The following WDR86 variants were observed in gnomAD, a reference collection of about 807,000 sequenced individuals.
WDR86 encodes the protein WD repeat domain 86, also known as WD repeat-containing protein 86.
WDR86 carries 30 observed loss-of-function variants against 36.5 expected under a neutral mutation model. The observed-to-expected ratio is 0.82, with a 90% CI of 0.61 to 1.11. The LOEUF is 1.11. Ranked by LOEUF, WDR86 falls within the 50% of genes most tolerant of loss-of-function variation. The probability of loss-of-function intolerance (pLI) is 0.00; values close to 1 mark genes in which losing one functional copy is unlikely to be tolerated. For missense variants in WDR86, 545 were observed against 561.2 expected, an observed-to-expected ratio of 0.97 and a Z score of 0.29; for synonymous variants, 255 against 252.9, an observed-to-expected ratio of 1.01 and a Z score of -0.08.
chr7:151,394,668 G>A lies in WDR86; in HGVS notation c.726+1108C>T, dbSNP rs566474210. ...CAGCAGGGATGGTCACGGTCGCGGCGGCTAAGGGCTGCCTGGCAGCACTGT... is the reference window on the plus strand; with the variant it reads ...CAGCAGGGATGGTCACGGTCGCGGCAGCTAAGGGCTGCCTGGCAGCACTGT... On this transcript the variant is annotated intron_variant, in intron 3 of 5. Coordinates refer to ENST00000334493, the MANE Select transcript of WDR86 (RefSeq NM_198285.3). Among the ~76,000 whole-genome samples the A allele has an allele frequency of 2.6e-5, 4 of 152,336 alleles. 1 individual carries two copies. The highest frequency in any genetic ancestry group is 2.1e-4 in the South Asian group (1 of 4,830).
At chr7:151,402,072 T>A (rs11766385) in intron 1 of WDR86, among the ~76,000 whole-genome samples, 7,970 of 45,330 alleles carry the variant, frequency 0.18, 547 homozygotes, top group Non-Finnish European at 0.19. Flanking sequence ...AAAAAAAAAA[T>A]ATATATATAT....
chr7:151,385,636 C>T (rs1798919150), intron 3 of WDR86, among the ~76,000 whole-genome samples: 4 of 152,196 alleles, frequency 2.6e-5, no homozygotes, highest in Admixed American at 1.3e-4. Context: ...TTGCTTCAGA[C>T]AGGACAGAGA....
intron 3 of WDR86, among the ~76,000 whole-genome samples, chr7:151,393,241 C>T (rs372794398): frequency 2.0e-5 from 3 of 152,272 alleles, no homozygotes; most frequent in South Asian, 2.1e-4. Flanking sequence ...GTGGGGTGTG[C>T]GTTCACACGC....
At chr7:151,376,035 A>G in exon 2 of WDR86, 1 of 817,700 alleles carries the variant, frequency 1.2e-6, no homozygotes, top group Non-Finnish European at 2.1e-6. Context: ...GGACTGGGGG[A>G]GTCCGTGCTG....
chr7:151,376,015 T>C, exon 2 of WDR86: 1 of 952,542 alleles, frequency 1.0e-6, no homozygotes, highest in Non-Finnish European at 1.7e-6. Context: ...CCCGGGTGAA[T>C]CAGGCAGCAG....
At chr7:151,386,356 C>A (rs114511075) in intron 3 of WDR86, among the ~76,000 whole-genome samples, 3,027 of 152,328 alleles carry the variant, frequency 0.02, 105 homozygotes, top group African/African-American at 0.07. Flanking sequence ...GGCCTTGGGC[C>A]AATCACTGTG....
In WDR86 at chr7:151,396,770, G is replaced by A. The variant is rs906164154; in HGVS notation, c.306-574C>T. ...CATAGTGCACCCAGGGGTGCTTGTGGGAGGCACAGCCAGGGGTCACGCTAC... is the reference window on the plus strand; with the variant it reads ...CATAGTGCACCCAGGGGTGCTTGTGAGAGGCACAGCCAGGGGTCACGCTAC... On this transcript the variant is annotated intron_variant, in intron 2 of 5. Coordinates refer to ENST00000334493, the MANE Select transcript of WDR86 (RefSeq NM_198285.3). 5.3e-5 allele frequency among the ~76,000 whole-genome samples: 8 copies of A among 152,194 alleles called. No individual in the cohort carries two copies. The East Asian group carries it at 1.3e-3, about 26-fold the overall frequency.
At chr7:151,407,320 G>C (rs773686406) in intron 1 of WDR86, among the ~76,000 whole-genome samples, 1 of 152,238 alleles carries the variant, frequency 6.6e-6, no homozygotes, top group South Asian at 2.1e-4. Context: ...GCCAGACACA[G>C]AGCTGGGCAG....
chr7:151,375,792 T>C (rs1798189052), downstream of WDR86: 17 of 1,179,878 alleles, frequency 1.4e-5, no homozygotes, highest in South Asian at 2.1e-4. Context: ...GCAGCGCCTG[T>C]CTGAATGTGT....
chr7:151,397,660 CATA>C (rs1799933476), intron 2 of WDR86, among the ~76,000 whole-genome samples: 1 of 40,954 alleles, frequency 2.4e-5, no homozygotes, highest in Non-Finnish European at 5.6e-5. Flanking sequence ...GGAGGAAGGG[CATA>C]GCGGGAGGAA....
At chr7:151,391,492 C>T (rs890012915) in intron 3 of WDR86, among the ~76,000 whole-genome samples, 6 of 152,106 alleles carry the variant, frequency 3.9e-5, no homozygotes, top group South Asian at 2.1e-4. Flanking sequence ...TTCTGTGGGT[C>T]GCATGGCCCC....
chr7:151,395,086 C>T (rs559898452), intron 3 of WDR86, among the ~76,000 whole-genome samples: 1 of 152,326 alleles, frequency 6.6e-6, no homozygotes, highest in Admixed American at 6.5e-5. Context: ...ACCCCACGTC[C>T]CACACGGCCA....
chr7:151,402,690 GA>G (rs888686123), intron 1 of WDR86, among the ~76,000 whole-genome samples: 4 of 152,228 alleles, frequency 2.6e-5, no homozygotes, highest in African/African-American at 9.6e-5. Flanking sequence ...GATGTGGCCA[GA>G]ATGGAGGGCC....
chr7:151,399,355 C>T (rs1412143217), intron 2 of WDR86, among the ~76,000 whole-genome samples: 3 of 152,194 alleles, frequency 2.0e-5, no homozygotes, highest in Non-Finnish European at 4.4e-5. Flanking sequence ...GGGGTTCATC[C>T]TGTCTGGTCT....
intron 4 of WDR86, among the ~76,000 whole-genome samples, chr7:151,382,529 C>T (rs903088685): frequency 1.3e-5 from 2 of 152,252 alleles, no homozygotes; most frequent in African/African-American, 2.4e-5. Context: ...CGTTTTCCAA[C>T]TGCAACCTGC....
At chr7:151,387,715 G>A (rs539781924) in intron 3 of WDR86, among the ~76,000 whole-genome samples, 3 of 152,278 alleles carry the variant, frequency 2.0e-5, no homozygotes, top group Admixed American at 2.0e-4. Context: ...AGGCTGCAGA[G>A]GGCCTGGCAG....
intron 4 of WDR86, among the ~76,000 whole-genome samples, chr7:151,383,182 G>GC (rs991329779): frequency 6.6e-5 from 10 of 150,706 alleles, no homozygotes; most frequent in East Asian, 2.0e-4. Context: ...GCGGGGTGGG[G>GC]GGGGGGAGCT....
Position 151,409,085 on chromosome 7 carries a change from G to T in WDR86, c.163+342C>A. On this transcript the variant is annotated intron_variant, in intron 1 of 5. Coordinates refer to ENST00000334493, the MANE Select transcript of WDR86 (RefSeq NM_198285.3). This position sits in a 1 kb window ranked among gnomAD's most constrained non-coding sequence, Gnocchi z 5.2. ...ACAAGGGAAGGTTTGCTTAGAAGGA[G>T]TATAGGTGCAACTTTTTGTTTGTTA... 2 of 572,664 alleles carry T rather than the reference G, an allele frequency of 3.5e-6. No individual in the cohort carries two copies. Among genetic ancestry groups the T allele is most frequent in the Non-Finnish European group, 3.4e-6 (1 of 293,236 alleles). 35.5% of individuals were successfully genotyped at this position (572,664 alleles called of 1,614,324 possible).
chr7:151,385,116 C>T lies in WDR86; in HGVS notation c.834G>A (p.Val278=). 6.2e-7 allele frequency: 1 copy of T among 1,610,862 alleles called. No individual in the cohort carries two copies. The highest frequency in any genetic ancestry group is 8.5e-7 in the Non-Finnish European group (1 of 1,178,742). The change falls in exon 4 of 6, where the codon GTG becomes GTA. Residue 278 remains valine (V), a synonymous_variant. Transcript: ENST00000334493. The part of the protein sequence containing the change: ...VRTFTAHRRN[V]SALKYHAGTL... ...TGCCCGCGTGGTACTTGAGGGCGCT[C>T]ACGTTGCGTCTGTGGGCCGTGAACG...
Sources: allele counts gnomAD v4.1 joint callset (sites outside exome capture counted in the v4.1 genomes callset), GRCh38; gene constraint gnomAD v4.1.1; non-coding constraint Gnocchi (gnomAD v3.1); transcripts MANE v1.5; gene names NCBI Gene and HGNC (gene_info 2026-07-23, HGNC 2026-07-21).